The following TTC7B variants were observed in gnomAD, a reference collection of about 807,000 sequenced individuals.
The protein encoded by TTC7B is tetratricopeptide repeat domain 7B.
Under a neutral mutation model 106.8 loss-of-function variants are expected in TTC7B, and 28 were observed. The ratio of observed to expected loss-of-function variants is 0.26; its 90% CI spans 0.19 to 0.36. The LOEUF is 0.36. TTC7B is among the 10% of genes least tolerant of loss of function. TTC7B has a pLI of 1.00. For missense variants in TTC7B, 862 were observed against 1,076.4 expected (o/e 0.80, Z 2.79); for synonymous variants, 405 against 430.6 (o/e 0.94, Z 0.74).
chr14:90,541,260 C>T lies in TTC7B; in HGVS notation c.*108G>A. ...TCACTGTGGCCCACTGAACACTCGT[C>T]CCTGGCCTCAGTGTGGCAGATTCAT... On this transcript the variant is annotated 3_prime_UTR_variant, in exon 20 of 20. Transcript: ENST00000328459. The T allele has an allele frequency of 1.9e-6, 2 of 1,049,540 alleles. No homozygotes were observed. The highest frequency in any genetic ancestry group is 2.7e-6 in the Non-Finnish European group (2 of 738,770). The allele number at this position is 1,049,540 out of a possible 1,614,324, so 65.0% of individuals were successfully genotyped here.
intron 1 of TTC7B, among the ~76,000 whole-genome samples, chr14:90,814,082 G>A (rs551461594): frequency 1.3e-5 from 2 of 152,304 alleles, no homozygotes; most frequent in African/African-American, 2.4e-5. Flanking sequence ...TGAGTCTCTA[G>A]GACAAAAATC....
chr14:90,789,375 G>T (rs963064844), intron 1 of TTC7B, among the ~76,000 whole-genome samples: 5 of 152,100 alleles, frequency 3.3e-5, no homozygotes, highest in Admixed American at 2.0e-4. Flanking sequence ...TGGGATTACA[G>T]GCATGAGCCA....
chr14:90,578,091 G>A lies in TTC7B; in HGVS notation c.2310+15C>T. 2.5e-6 allele frequency: 4 copies of A among 1,599,418 alleles called. No individual in the cohort carries two copies. The highest frequency in any genetic ancestry group is 3.4e-6 in the Non-Finnish European group (4 of 1,172,970). ...CATGCCAGAGTAGGGGCCACCGCCG[G>A]GCTCGTGGACTCACCAGTCGCTGCA... On this transcript the variant is annotated intron_variant, in intron 19 of 19. Transcript: ENST00000328459. The surrounding 1 kb of genome is among the most constrained non-coding windows in gnomAD (Gnocchi z 4.7).
At chr14:90,630,447 AG>A (rs1407183703) in intron 15 of TTC7B, among the ~76,000 whole-genome samples, 1 of 152,214 alleles carries the variant, frequency 6.6e-6, no homozygotes, top group Non-Finnish European at 1.5e-5. Context: ...ATGTTAACAA[AG>A]GGAGCTCAGA....
At chr14:90,738,772 C>T (rs1333498136) in intron 4 of TTC7B, among the ~76,000 whole-genome samples, 1 of 152,170 alleles carries the variant, frequency 6.6e-6, no homozygotes, top group Non-Finnish European at 1.5e-5. Context: ...GCATTATTTA[C>T]AACAGCTTAT....
intron 1 of TTC7B, among the ~76,000 whole-genome samples, chr14:90,810,243 T>A (rs2030825001): frequency 6.6e-6 from 1 of 152,204 alleles, no homozygotes. Context: ...CCATTGGGAA[T>A]GTCACATAAT....
chr14:90,773,758 T>C (rs1048686683), intron 3 of TTC7B, among the ~76,000 whole-genome samples: 1 of 152,156 alleles, frequency 6.6e-6, no homozygotes, highest in African/African-American at 2.4e-5. Context: ...AGACCGAGTC[T>C]TTCTTCCTCC....
chr14:90,573,903 C>G (rs2139799763), intron 19 of TTC7B, among the ~76,000 whole-genome samples: 1 of 152,388 alleles, frequency 6.6e-6, no homozygotes, highest in East Asian at 1.9e-4. Context: ...ACGCAACCTT[C>G]TTGGCTCCCT....
chr14:90,689,198 T>G (rs941737765), intron 7 of TTC7B, among the ~76,000 whole-genome samples: 2 of 152,170 alleles, frequency 1.3e-5, no homozygotes, highest in African/African-American at 2.4e-5. Context: ...CGATGTTAGA[T>G]GTTAGATGGC....
chr14:90,580,158 G>C (rs1020555140), intron 18 of TTC7B, among the ~76,000 whole-genome samples: 1 of 152,270 alleles, frequency 6.6e-6, no homozygotes, highest in Admixed American at 6.5e-5. Context: ...GATGGTGTCT[G>C]TGCTGCTCCC....
chr14:90,676,509 C>T lies in TTC7B; in HGVS notation c.1152+14G>A. On this transcript the variant is annotated intron_variant, in intron 9 of 19. Coordinates refer to ENST00000328459, the MANE Select transcript of TTC7B (RefSeq NM_001010854.2). ...ACCCACCACCTGGATGTCAACCAGA[C>T]TCAGCAGCTGTACCTCTGACAGCAT... 1.9e-6 allele frequency: 3 copies of T among 1,612,636 alleles called. No homozygotes were observed. The highest frequency in any genetic ancestry group is 2.5e-6 in the Non-Finnish European group (3 of 1,178,962).
chr14:90,701,355 T>A (rs1887976950), intron 5 of TTC7B, among the ~76,000 whole-genome samples: 1 of 152,284 alleles, frequency 6.6e-6, no homozygotes, highest in Non-Finnish European at 1.5e-5. Context: ...GAGTAGGGAC[T>A]ACGGCCCAGG....
In TTC7B at chr14:90,578,480, C is replaced by T. The variant is rs963087804; in HGVS notation, c.2108-172G>A. Among the ~76,000 whole-genome samples, 3 of 152,098 alleles carry T rather than the reference C, an allele frequency of 2.0e-5. No homozygotes were observed. Among genetic ancestry groups the T allele is most frequent in the Admixed American group, 2.0e-4 (3 of 15,280 alleles). ...CGCTGACAGTCCCTCCTGCCCACTC[C>T]TATATGGGGACTGGAGTCACTCGTG... is the stretch of plus-strand genomic sequence containing the variant. On this transcript the variant is annotated intron_variant, in intron 18 of 19. Coordinates refer to ENST00000328459, the MANE Select transcript of TTC7B (RefSeq NM_001010854.2). This position sits in a 1 kb window ranked among gnomAD's most constrained non-coding sequence, Gnocchi z 4.7.
At chr14:90,745,774 G>A (rs913488715) in intron 3 of TTC7B, among the ~76,000 whole-genome samples, 1 of 150,002 alleles carries the variant, frequency 6.7e-6, no homozygotes, top group Admixed American at 6.7e-5. Context: ...GTGCGACCTC[G>A]GCTCACTGCA....
At chr14:90,606,695 A>G (rs912193487) in intron 17 of TTC7B, among the ~76,000 whole-genome samples, 2 of 152,188 alleles carry the variant, frequency 1.3e-5, no homozygotes, top group Non-Finnish European at 2.9e-5. Context: ...AGGGGAAGTC[A>G]TGTTCTATAA....
intron 5 of TTC7B, among the ~76,000 whole-genome samples, chr14:90,704,893 C>G (rs1363893245): frequency 6.6e-6 from 1 of 152,216 alleles, no homozygotes; most frequent in Admixed American, 6.5e-5. Flanking sequence ...AGTTCACACT[C>G]ACTCACTCCG....
chr14:90,686,966 CAATTCCT>C (rs1383761880), intron 7 of TTC7B, among the ~76,000 whole-genome samples: 1 of 150,230 alleles, frequency 6.7e-6, no homozygotes, highest in Admixed American at 6.6e-5. Context: ...AAATTCAATG[CAATTCCT>C]ATTAAAATCC....
At chr14:90,610,990 C>T (rs1165128391) in intron 16 of TTC7B, 151 bp from the exon 17 acceptor site, 1 of 663,008 alleles carries the variant, frequency 1.5e-6, no homozygotes, top group Non-Finnish European at 2.7e-6. Flanking sequence ...AGGCATCCTG[C>T]TTCCTGGCTT....
At chr14:90,765,925 C>G (rs1178095911) in intron 3 of TTC7B, among the ~76,000 whole-genome samples, 1 of 152,172 alleles carries the variant, frequency 6.6e-6, no homozygotes, top group Non-Finnish European at 1.5e-5. Context: ...ATTTAAAGGG[C>G]CAGTGCCCTT....
Sources: allele counts gnomAD v4.1 joint callset (sites outside exome capture counted in the v4.1 genomes callset), GRCh38; gene constraint gnomAD v4.1.1; non-coding constraint Gnocchi (gnomAD v3.1); transcripts MANE v1.5; gene names NCBI Gene and HGNC (gene_info 2026-07-23, HGNC 2026-07-21).